ABCD3: variants seen among roughly 807,000 people sequenced by gnomAD.
The protein encoded by ABCD3 is ATP-binding cassette sub-family D member 3.
ABCD3 carries 41 observed loss-of-function variants against 105.5 expected under a neutral mutation model. The observed-to-expected ratio is 0.39, with a 90% CI of 0.30 to 0.50. ABCD3 has a LOEUF of 0.50. ABCD3 is among the 20% of genes least tolerant of loss of function. The probability of loss-of-function intolerance (pLI) is 0.84; values close to 1 mark genes in which losing one functional copy is unlikely to be tolerated. For missense variants in ABCD3, 622 were observed against 806.3 expected, an observed-to-expected ratio of 0.77 and a Z score of 2.77; for synonymous variants, 258 against 269.0, an observed-to-expected ratio of 0.96 and a Z score of 0.40.
the ABCD3 span, among the ~76,000 whole-genome samples, chr1:94,391,088 C>A: frequency 6.6e-6 from 1 of 152,156 alleles, no homozygotes; most frequent in African/African-American, 2.4e-5. Flanking sequence ...TATATCCTTG[C>A]AGTAGTATTG....
the ABCD3 span, among the ~76,000 whole-genome samples, chr1:94,403,386 A>G: frequency 6.6e-6 from 1 of 152,138 alleles, no homozygotes; most frequent in Non-Finnish European, 1.5e-5. Context: ...CATTGTAACT[A>G]ATAAGCAGTT....
chr1:94,507,143 C>CAGGA (rs1650403862), intron 21 of ABCD3, among the ~76,000 whole-genome samples: 1 of 147,694 alleles, frequency 6.8e-6, no homozygotes, highest in Middle Eastern at 3.5e-3. Flanking sequence ...CTCCCCCCTT[C>CAGGA]CCCCACCCCA....
chr1:94,421,930 CATA>C (rs1659273924), intron 1 of ABCD3, among the ~76,000 whole-genome samples: 1 of 152,110 alleles, frequency 6.6e-6, no homozygotes, highest in African/African-American at 2.4e-5. Context: ...CAGATATGAT[CATA>C]ATATTCCTTC....
chr1:94,473,747 T>C lies in ABCD3; in HGVS notation c.336-19T>C, dbSNP rs1211753112. ...TTTGCTTCTTTTGCAACTAATGCATTGCATGTGGTGGTTTGCAGTGGTATC... is the reference window on the plus strand; with the variant it reads ...TTTGCTTCTTTTGCAACTAATGCATCGCATGTGGTGGTTTGCAGTGGTATC... On this transcript the variant is annotated intron_variant, in intron 4 of 22. Transcript: ENST00000370214. 6.2e-7 allele frequency: 1 copy of C among 1,607,012 alleles called. No individual in the cohort carries two copies. The highest frequency in any genetic ancestry group is 8.5e-7 in the Non-Finnish European group (1 of 1,173,888).
At chr1:94,445,796 A>C (rs1227834594) in intron 1 of ABCD3, among the ~76,000 whole-genome samples, 1 of 152,192 alleles carries the variant, frequency 6.6e-6, no homozygotes, top group African/African-American at 2.4e-5. Flanking sequence ...TTGCAGATTC[A>C]GCTGCTCAGG....
upstream of ABCD3, among the ~76,000 whole-genome samples, chr1:94,418,254 A>T (rs1659098067): frequency 6.6e-6 from 1 of 152,122 alleles, no homozygotes; most frequent in Non-Finnish European, 1.5e-5. Context: ...GCGTCCCGGG[A>T]ACTGTTCCGC....
chr1:94,449,769 C>G (rs1330289574), intron 1 of ABCD3, among the ~76,000 whole-genome samples: 1 of 152,208 alleles, frequency 6.6e-6, no homozygotes, highest in Non-Finnish European at 1.5e-5. Flanking sequence ...CTGCGTGCCA[C>G]AGCCACACTT....
At chr1:94,492,705 C>T (rs1649592208) in intron 16 of ABCD3, among the ~76,000 whole-genome samples, 1 of 150,818 alleles carries the variant, frequency 6.6e-6, no homozygotes, top group South Asian at 2.1e-4. Context: ...TTGAAGAATG[C>T]CTCTTGTCCC....
intron 16 of ABCD3, among the ~76,000 whole-genome samples, chr1:94,494,758 T>C (rs1449603293): frequency 6.6e-6 from 1 of 152,190 alleles, no homozygotes; most frequent in African/African-American, 2.4e-5. Flanking sequence ...TGTCTAGATA[T>C]TATTCTGGGA....
At chr1:94,429,610 G>A (rs1286421754) in intron 1 of ABCD3, among the ~76,000 whole-genome samples, 7 of 152,238 alleles carry the variant, frequency 4.6e-5, no homozygotes, top group African/African-American at 1.7e-4. Flanking sequence ...TGGCTTCAGA[G>A]GGTGTAAGCC....
chr1:94,472,492 A>G (rs1247390760), intron 4 of ABCD3, among the ~76,000 whole-genome samples: 1 of 150,120 alleles, frequency 6.7e-6, no homozygotes, highest in Non-Finnish European at 1.5e-5. Flanking sequence ...TTTAGGGGCT[A>G]TATAAACATT....
intron 1 of ABCD3, among the ~76,000 whole-genome samples, chr1:94,420,655 C>A (rs1306735712): frequency 6.6e-6 from 1 of 152,048 alleles, no homozygotes; most frequent in Non-Finnish European, 1.5e-5. Flanking sequence ...TATTTTGAAA[C>A]CATTAAAAAT....
chr1:94,517,063 T>A lies in ABCD3; in HGVS notation c.1914T>A (p.His638Gln). The change falls in exon 23 of 23, where the codon CAT (histidine) becomes CAA (glutamine). Residue 638 changes from histidine (H) to glutamine (Q), a missense_variant. By Grantham distance (24) the His-to-Gln change is conservative. Coordinates refer to ENST00000370214, the MANE Select transcript of ABCD3 (RefSeq NM_002858.4). ...SLWKHHEYYL[H>Q]MDGRGNYEFK... The stretch of plus-strand genomic sequence containing the variant: ...CTTCTTTCCCATAGTACTACCTGCA[T>A]ATGGATGGCAGAGGCAACTATGAAT... 6.2e-7 allele frequency: 1 copy of A among 1,609,752 alleles called. No homozygotes were observed. The highest frequency in any genetic ancestry group is 1.1e-5 in the South Asian group (1 of 91,010).
chr1:94,412,628 A>G, the ABCD3 span, among the ~76,000 whole-genome samples: 12 of 152,220 alleles, frequency 7.9e-5, no homozygotes, highest in African/African-American at 2.7e-4. Flanking sequence ...TGCAGAGTCA[A>G]TTCCCTGGAG....
At chr1:94,473,929 TATG>T (rs1378924641) in intron 5 of ABCD3, 94 bp downstream of exon 5, 3 of 942,842 alleles carry the variant, frequency 3.2e-6, no homozygotes, top group East Asian at 5.3e-5. Context: ...TTTAAAGACT[TATG>T]ATACTAAGTT....
intron 3 of ABCD3, 26 bp downstream of exon 3, chr1:94,464,899 A>C (rs548419093): frequency 6.4e-6 from 10 of 1,565,510 alleles, no homozygotes; most frequent in Admixed American, 3.3e-5. Context: ...TTATAATCTT[A>C]AGTATATTGG....
rs77904282 is a variant in ABCD3 at position 94,485,549 on chromosome 1, C to T, written c.898-1993C>T. Reference sequence around the variant, plus strand: ...GCAGTTCACCAGTTTGCTCTCCACACGGCTTGCTTATTCTCATCCTTTAGA... The same window carrying T: ...GCAGTTCACCAGTTTGCTCTCCACATGGCTTGCTTATTCTCATCCTTTAGA... On this transcript the variant is annotated intron_variant, in intron 10 of 22. Transcript: ENST00000370214. 6.9e-3 allele frequency among the ~76,000 whole-genome samples: 1,055 copies of T among 152,294 alleles called. 12 individuals are homozygous for T. Among genetic ancestry groups the T allele is most frequent in the African/African-American group, 0.024 (1,000 of 41,558 alleles).
intron 2 of ABCD3, among the ~76,000 whole-genome samples, chr1:94,463,872 C>T (rs1648000813): frequency 6.6e-6 from 1 of 152,200 alleles, no homozygotes; most frequent in African/African-American, 2.4e-5. Flanking sequence ...AAACTTCTCT[C>T]ATTCTTGTTC....
chr1:94,496,666 A>T (rs1405370707), intron 16 of ABCD3, among the ~76,000 whole-genome samples: 1 of 84,926 alleles, frequency 1.2e-5, no homozygotes, highest in Admixed American at 1.3e-4. Flanking sequence ...TTTCCTGTTC[A>T]TTCTTCAGTA....
Sources: gnomAD v4.1 joint callset for allele counts (sites outside exome capture counted in the v4.1 genomes callset) on GRCh38, gnomAD v4.1.1 for gene constraint, MANE v1.5 for transcripts, NCBI Gene and HGNC (gene_info 2026-07-23, HGNC 2026-07-21) for gene names.